Variants in KCNC2 observed in about 807,000 individuals in gnomAD.
KCNC2 encodes the protein potassium voltage-gated channel subfamily C member 2, also known as voltage-gated potassium channel KCNC2.
In KCNC2, 21 loss-of-function variants were observed where a neutral mutation model predicts 44.5. The observed-to-expected ratio is 0.47, with a 90% CI of 0.33 to 0.68. KCNC2 has a LOEUF of 0.68. Among genes scored for constraint, KCNC2 ranks in the 30% least tolerant of loss-of-function variants. KCNC2 has a pLI of 0.01. For missense variants in KCNC2, 589 were observed against 826.2 expected, an observed-to-expected ratio of 0.71 and a Z score of 3.52; for synonymous variants, 391 against 339.1, an observed-to-expected ratio of 1.15 and a Z score of -1.68.
At position 75,177,032 on chromosome 12, in the gene KCNC2, T is replaced by TTATATATATA. The variant is rs3073537; in HGVS notation, c.687+30255_687+30264dup. Among the ~76,000 whole-genome samples, 259 of 139,906 alleles carry TTATATATATA rather than the reference T, an allele frequency of 1.9e-3. 1 individual carries two copies. Among genetic ancestry groups the TTATATATATA allele is most frequent in the African/African-American group, 6.6e-3 (244 of 36,896 alleles). The allele number at this position is 139,906 out of a possible 152,430, so 91.8% of individuals were successfully genotyped here. On this transcript the variant is annotated intron_variant, in intron 2 of 4. Transcript: ENST00000549446. ...GGTAAGTGAAGTGATGCTGCAAGTT[T>TTATATATATA]TATATATATATATATATATATATAT...
intron 2 of KCNC2, among the ~76,000 whole-genome samples, chr12:75,128,733 A>G (rs1888621539): frequency 6.6e-6 from 1 of 152,196 alleles, no homozygotes; most frequent in Non-Finnish European, 1.5e-5. Flanking sequence ...TAAGCTTTAA[A>G]CTCATTAATT....
chr12:75,157,457 G>T (rs946060474), intron 2 of KCNC2, among the ~76,000 whole-genome samples: 1 of 151,880 alleles, frequency 6.6e-6, no homozygotes, highest in Non-Finnish European at 1.5e-5. Flanking sequence ...CCCTTGCTTT[G>T]TCTTTTGGTT....
intron 2 of KCNC2, among the ~76,000 whole-genome samples, chr12:75,113,601 A>AATG (rs1887421169): frequency 6.6e-6 from 1 of 152,038 alleles, no homozygotes; most frequent in Non-Finnish European, 1.5e-5. Context: ...CCATACCAAC[A>AATG]CCTCCAAATG....
chr12:75,046,757 A>G (rs960728372), intron 4 of KCNC2, among the ~76,000 whole-genome samples: 5 of 151,954 alleles, frequency 3.3e-5, no homozygotes, highest in Admixed American at 3.3e-4. Flanking sequence ...GGATTGAAAT[A>G]CATTTTGGTG....
At chr12:75,105,406 T>C (rs545303334) in intron 2 of KCNC2, among the ~76,000 whole-genome samples, 1 of 152,098 alleles carries the variant, frequency 6.6e-6, no homozygotes, top group African/African-American at 2.4e-5. Flanking sequence ...GTTGTGTAGA[T>C]CTGTGGAAGG....
intron 2 of KCNC2, among the ~76,000 whole-genome samples, chr12:75,203,363 C>T (rs549095218): frequency 2.6e-5 from 4 of 151,760 alleles, no homozygotes; most frequent in Admixed American, 6.6e-5. Flanking sequence ...CTACGGAGTA[C>T]GTTTTGGTAA....
At chr12:75,167,516 C>T (rs569049737) in intron 2 of KCNC2, among the ~76,000 whole-genome samples, 14 of 151,188 alleles carry the variant, frequency 9.3e-5, no homozygotes, top group Non-Finnish European at 1.8e-4. Flanking sequence ...TAAGTAAACA[C>T]ATCATAACAG....
At chr12:75,053,930 A>G (rs1881459897) in intron 2 of KCNC2, among the ~76,000 whole-genome samples, 1 of 151,710 alleles carries the variant, frequency 6.6e-6, no homozygotes, top group African/African-American at 2.4e-5. Context: ...TGCTTTAAGA[A>G]CAACCAGAGA....
intron 2 of KCNC2, among the ~76,000 whole-genome samples, chr12:75,170,983 T>G (rs951932839): frequency 6.6e-6 from 1 of 151,752 alleles, no homozygotes; most frequent in African/African-American, 2.4e-5. Context: ...AGCTGTCAGC[T>G]TGATGTTACT....
At chr12:75,045,087 A>G (rs1177541478) in intron 4 of KCNC2, among the ~76,000 whole-genome samples, 1 of 152,010 alleles carries the variant, frequency 6.6e-6, no homozygotes, top group Non-Finnish European at 1.5e-5. Context: ...ATCGAAGTTG[A>G]CTGTATAACC....
intron 2 of KCNC2, among the ~76,000 whole-genome samples, chr12:75,089,993 ACAGTATAATGGTC>A (rs1300367450): frequency 2.6e-5 from 4 of 151,760 alleles, no homozygotes; most frequent in African/African-American, 9.7e-5. Flanking sequence ...TGCTCTATGT[ACAGTATAATGGTC>A]CAGTTTAAGA....
At chr12:75,134,560 A>G (rs1297907678) in intron 2 of KCNC2, among the ~76,000 whole-genome samples, 2 of 151,734 alleles carry the variant, frequency 1.3e-5, no homozygotes, top group South Asian at 2.1e-4. Flanking sequence ...TTGATATACC[A>G]CTATCCTATC....
At chr12:75,097,579 T>C (rs1174375771) in intron 2 of KCNC2, among the ~76,000 whole-genome samples, 1 of 152,042 alleles carries the variant, frequency 6.6e-6, no homozygotes, top group African/African-American at 2.4e-5. Flanking sequence ...TAAAGGCCCA[T>C]TACAAAAAAT....
At chr12:75,148,602 A>C (rs923692965) in intron 2 of KCNC2, among the ~76,000 whole-genome samples, 2 of 152,088 alleles carry the variant, frequency 1.3e-5, no homozygotes, top group Admixed American at 6.6e-5. Flanking sequence ...TTAAAAGAAG[A>C]TATATGCTGT....
At chr12:75,153,286 G>A (rs1890531846) in intron 2 of KCNC2, among the ~76,000 whole-genome samples, 1 of 152,012 alleles carries the variant, frequency 6.6e-6, no homozygotes, top group Non-Finnish European at 1.5e-5. Context: ...CTTAAAGTAT[G>A]TGTATACAGC....
chr12:75,202,297 C>T (rs1021115246), intron 2 of KCNC2, among the ~76,000 whole-genome samples: 1 of 151,800 alleles, frequency 6.6e-6, no homozygotes, highest in Non-Finnish European at 1.5e-5. Context: ...ATGTATATCA[C>T]TTGTATGTAT....
intron 2 of KCNC2, among the ~76,000 whole-genome samples, chr12:75,168,577 G>A (rs1322597000): frequency 1.3e-5 from 2 of 151,496 alleles, no homozygotes; most frequent in East Asian, 1.9e-4. Flanking sequence ...ATTAAACAAA[G>A]TCCGTTAGTT....
chr12:75,053,148 A>T (rs1374100392), intron 2 of KCNC2, among the ~76,000 whole-genome samples: 1 of 152,172 alleles, frequency 6.6e-6, no homozygotes, highest in Non-Finnish European at 1.5e-5. Context: ...TCCTCTATTC[A>T]TAAATTACTT....
chr12:75,173,037 T>C (rs1489003361), intron 2 of KCNC2, among the ~76,000 whole-genome samples: 1 of 151,930 alleles, frequency 6.6e-6, no homozygotes, highest in African/African-American at 2.4e-5. Flanking sequence ...AAATACTCTA[T>C]AATTACTATT....
Sources: gnomAD v4.1 joint callset for allele counts (sites outside exome capture counted in the v4.1 genomes callset) on GRCh38, gnomAD v4.1.1 for gene constraint, MANE v1.5 for transcripts, NCBI Gene and HGNC (gene_info 2026-07-23, HGNC 2026-07-21) for gene names.